CLEC12A: variants seen among roughly 807,000 people sequenced by gnomAD.
CLEC12A encodes the protein C-type lectin protein CLL-1.
CLEC12A carries 22 observed loss-of-function variants against 26.5 expected under a neutral mutation model. That is an observed-to-expected ratio of 0.83 (90% CI 0.59 to 1.19). The LOEUF (loss-of-function observed/expected upper bound fraction) is 1.19, where lower values mean the gene tolerates loss of function less well. Ranked by LOEUF, CLEC12A falls within the 50% of genes most tolerant of loss-of-function variation. CLEC12A has a pLI of 0.00. For synonymous variants in CLEC12A, 119 were observed against 101.9 expected (o/e 1.17, Z -1.01); for missense variants, 353 against 315.6 (o/e 1.12, Z -0.90).
intron 1 of CLEC12A, among the ~76,000 whole-genome samples, chr12:9,959,813 G>A (rs558114232): frequency 5.3e-5 from 8 of 152,308 alleles, no homozygotes; most frequent in Admixed American, 4.6e-4. Context: ...GTAGCTCCCA[G>A]AAATGGATTA....
chr12:9,955,109 C>T lies in CLEC12A; in HGVS notation c.10+3753C>T, dbSNP rs570396314. Among the ~76,000 whole-genome samples, 312 of 152,118 alleles carry T rather than the reference C, an allele frequency of 2.1e-3. 1 individual carries two copies. Among genetic ancestry groups the T allele is most frequent in the African/African-American group, 7.3e-3 (304 of 41,476 alleles). ...ACTTTATGTTTCTTTTTTTTAAAAA[C>T]GGAGTCTCACTCTGTCGCCCAGGCT... On this transcript the variant is annotated intron_variant, in intron 1 of 6. Coordinates refer to the CLEC12A transcript ENST00000355690.
intron 2 of CLEC12A, 121 bp downstream of exon 2, chr12:9,979,185 G>T: frequency 1.0e-6 from 1 of 979,630 alleles, no homozygotes; most frequent in Non-Finnish European, 1.6e-6. Flanking sequence ...CCACAAGGAG[G>T]ACTTACAATG....
chr12:9,963,909 A>T (rs1008765833), intron 1 of CLEC12A, among the ~76,000 whole-genome samples: 1 of 152,148 alleles, frequency 6.6e-6, no homozygotes, highest in African/African-American at 2.4e-5. Flanking sequence ...TTCATGGTGT[A>T]TGAGAAAATG....
exon 5 of CLEC12A, chr12:9,995,273 G>T: frequency 1.3e-6 from 2 of 1,563,706 alleles, no homozygotes; most frequent in South Asian, 1.1e-5. Flanking sequence ...TAAACACAAT[G>T]GTCAGAATCC....
Position 9,984,887 on chromosome 12 carries a change from C to A in CLEC12A, c.659C>A (p.Pro220His). 1 of 1,524,334 alleles carries A rather than the reference C, an allele frequency of 6.6e-7. No homozygotes were observed. Among genetic ancestry groups the A allele is most frequent in the South Asian group, 1.3e-5 (1 of 75,168 alleles). The allele number at this position is 1,524,334 out of a possible 1,614,324, so 94.4% of individuals were successfully genotyped here. The stretch of plus-strand genomic sequence containing the variant: ...TCTTTCAGGGTTATAAGAAACGCAC[C>A]TGACTTAAATAACATGTATTGTGGA... The part of the protein sequence containing the change: ...NSSAWVIRNA[P>H]DLNNMYCGYI... Residue 220 changes from proline (P) to histidine (H), a missense_variant, in exon 6 of 6, where the codon CCT becomes CAT. By Grantham distance (77) the Pro-to-His change is moderately conservative. Transcript: ENST00000304361.
At chr12:9,972,058 GTGTT>G (rs1177420091) in intron 1 of CLEC12A, among the ~76,000 whole-genome samples, 2 of 33,296 alleles carry the variant, frequency 6.0e-5, no homozygotes, top group East Asian at 1.5e-3. Context: ...GTGTGTGTGT[GTGTT>G]TTTTTTTTTA....
At chr12:9,989,345 C>T (rs992201975), downstream of CLEC12A, among the ~76,000 whole-genome samples, 3 of 127,754 alleles carry the variant, frequency 2.3e-5, no homozygotes, top group African/African-American at 9.1e-5. Flanking sequence ...CACATGTACC[C>T]TAAAACTTAA....
intron 1 of CLEC12A, among the ~76,000 whole-genome samples, chr12:9,978,154 C>G (rs907944307): frequency 6.6e-6 from 1 of 152,008 alleles, no homozygotes; most frequent in African/African-American, 2.4e-5. Context: ...ATTATGGTAT[C>G]CCTGAATTGG....
chr12:9,998,650 T>TTTTGC (rs1865112585), downstream of CLEC12A, among the ~76,000 whole-genome samples: 1 of 49,018 alleles, frequency 2.0e-5, no homozygotes, highest in Non-Finnish European at 4.9e-5. Flanking sequence ...GTATTTTTTG[T>TTTTGC]TTTGTTTTGT....
At chr12:9,969,866 A>G (rs530752670), upstream of CLEC12A, among the ~76,000 whole-genome samples, 5 of 152,346 alleles carry the variant, frequency 3.3e-5, no homozygotes, top group African/African-American at 1.2e-4. Context: ...TCTCAACTCT[A>G]CCACTCACCA....
intron 4 of CLEC12A, chr12:9,993,426 A>C: frequency 2.7e-6 from 2 of 734,484 alleles, no homozygotes; most frequent in Non-Finnish European, 4.5e-6. Flanking sequence ...AACGATTCTC[A>C]TTGTTGAGAA....
At chr12:9,980,276 C>T (rs567087534) in intron 3 of CLEC12A, among the ~76,000 whole-genome samples, 20 of 151,786 alleles carry the variant, frequency 1.3e-4, no homozygotes, top group South Asian at 8.3e-4. Context: ...ACAGGATTCA[C>T]TTACTTCCCC....
chr12:9,952,246 G>A (rs1349844263), intron 1 of CLEC12A, among the ~76,000 whole-genome samples: 1 of 144,934 alleles, frequency 6.9e-6, no homozygotes, highest in Non-Finnish European at 1.5e-5. Context: ...GCCGAAGCTG[G>A]ACTGTACTGC....
intron 1 of CLEC12A, among the ~76,000 whole-genome samples, chr12:9,962,786 T>A (rs1435281705): frequency 6.6e-6 from 1 of 152,212 alleles, no homozygotes; most frequent in Non-Finnish European, 1.5e-5. Flanking sequence ...GCCATCTGGA[T>A]GTGTATGTGC....
At chr12:10,002,440 G>GTTTTTTTTTTTTTTTTTTTTTTTTTT in the CLEC12A span, among the ~76,000 whole-genome samples, 6 of 40,478 alleles carry the variant, frequency 1.5e-4, no homozygotes, top group Non-Finnish European at 3.0e-4. Flanking sequence ...GTTGGGTAAT[G>GTTTTTTTTTTTTTTTTTTTTTTTTTT]TTTTTTTTTT....
At chr12:9,965,141 G>A (rs1262179471) in intron 1 of CLEC12A, among the ~76,000 whole-genome samples, 2 of 152,166 alleles carry the variant, frequency 1.3e-5, no homozygotes, top group African/African-American at 4.8e-5. Context: ...AAGTATTAAA[G>A]CAGCGGCAGC....
intron 1 of CLEC12A, among the ~76,000 whole-genome samples, chr12:9,964,996 A>C (rs184572201): frequency 6.6e-6 from 1 of 152,206 alleles, no homozygotes; most frequent in Non-Finnish European, 1.5e-5. Flanking sequence ...GAGACTTAAC[A>C]AAAAGGGAGT....
At chr12:10,000,905 T>C in the CLEC12A span, among the ~76,000 whole-genome samples, 1 of 152,152 alleles carries the variant, frequency 6.6e-6, no homozygotes, top group African/African-American at 2.4e-5. Context: ...ACCTAAAATA[T>C]ACAGAAACAC....
chr12:9,996,631 A>G, downstream of CLEC12A: 1 of 662,922 alleles, frequency 1.5e-6, no homozygotes, highest in South Asian at 1.6e-5. Flanking sequence ...GGAAGGGACA[A>G]GTCAATTTGA....
Sources: allele counts gnomAD v4.1 joint callset (sites outside exome capture counted in the v4.1 genomes callset), GRCh38; gene constraint gnomAD v4.1.1; transcripts MANE v1.5; gene names NCBI Gene and HGNC (gene_info 2026-07-23, HGNC 2026-07-21).